CDK17: variants seen among roughly 807,000 people sequenced by gnomAD.
CDK17 encodes the protein cyclin dependent kinase 17.
In CDK17, 24 loss-of-function variants were observed where a neutral mutation model predicts 77.6. The observed-to-expected ratio is 0.31, with a 90% confidence interval of 0.22 to 0.44. CDK17 has a LOEUF of 0.44. Among genes scored for constraint, CDK17 ranks in the 20% least tolerant of loss-of-function variants. The pLI is 1.00. For missense variants in CDK17, 429 were observed against 622.5 expected (o/e 0.69, Z 3.31); for synonymous variants, 203 against 210.4 (o/e 0.96, Z 0.30).
chr12:96,285,809 C>A, intron 13 of CDK17: 1 of 248,964 alleles, frequency 4.0e-6, no homozygotes, highest in Non-Finnish European at 7.6e-6. Flanking sequence ...GGAATTTCAT[C>A]ATAATCTCTG....
At chr12:96,306,543 C>T (rs1952579954) in intron 5 of CDK17, among the ~76,000 whole-genome samples, 1 of 151,756 alleles carries the variant, frequency 6.6e-6, no homozygotes, top group Non-Finnish European at 1.5e-5. Context: ...GTATATTATC[C>T]ATGGAAAAAT....
chr12:96,319,176 C>A (rs914622853), intron 3 of CDK17, among the ~76,000 whole-genome samples: 3 of 151,536 alleles, frequency 2.0e-5, no homozygotes, highest in Non-Finnish European at 4.4e-5. Context: ...AACACCTGTA[C>A]GCAAATAAAC....
At chr12:96,373,514 G>T (rs888316330) in intron 1 of CDK17, among the ~76,000 whole-genome samples, 1 of 152,088 alleles carries the variant, frequency 6.6e-6, no homozygotes, top group African/African-American at 2.4e-5. Flanking sequence ...GAATCACTTT[G>T]AACCTGGGAG....
At chr12:96,384,750 C>T (rs1432931032) in intron 1 of CDK17, among the ~76,000 whole-genome samples, 1 of 152,124 alleles carries the variant, frequency 6.6e-6, no homozygotes, top group East Asian at 1.9e-4. Context: ...AGCAGGGTGG[C>T]TAATGCCTGT....
intron 9 of CDK17, among the ~76,000 whole-genome samples, chr12:96,296,082 T>G (rs557394051): frequency 6.6e-6 from 1 of 152,350 alleles, no homozygotes. Flanking sequence ...AAATTACTAT[T>G]TAAATGAATT....
At chr12:96,371,356 G>A (rs1953690298) in intron 1 of CDK17, among the ~76,000 whole-genome samples, 1 of 152,100 alleles carries the variant, frequency 6.6e-6, no homozygotes, top group South Asian at 2.1e-4. Flanking sequence ...ATCCCGTGAA[G>A]CCCAGCTAAT....
chr12:96,348,520 T>C (rs1490260616), intron 1 of CDK17, among the ~76,000 whole-genome samples: 31 of 90,626 alleles, frequency 3.4e-4, no homozygotes, highest in African/African-American at 1.2e-3. Context: ...CGAGACTCTG[T>C]CTCAAAAAAA....
intron 1 of CDK17, among the ~76,000 whole-genome samples, chr12:96,355,821 A>G (rs1049950200): frequency 6.6e-6 from 1 of 152,218 alleles, no homozygotes; most frequent in African/African-American, 2.4e-5. Context: ...CTGACACTCA[A>G]CAGGTGCTCA....
intron 10 of CDK17, among the ~76,000 whole-genome samples, chr12:96,293,515 G>A (rs1295975878): frequency 6.6e-6 from 1 of 152,204 alleles, no homozygotes; most frequent in Non-Finnish European, 1.5e-5. Flanking sequence ...TGAAAGAGGA[G>A]GGGCATTTTA....
chr12:96,356,953 T>C (rs543724019), intron 1 of CDK17, among the ~76,000 whole-genome samples: 1 of 152,220 alleles, frequency 6.6e-6, no homozygotes, highest in Non-Finnish European at 1.5e-5. Context: ...ATAAATTGAT[T>C]TGCAGATGAT....
intron 11 of CDK17, among the ~76,000 whole-genome samples, chr12:96,288,593 T>C (rs559246445): frequency 6.6e-6 from 1 of 152,344 alleles, no homozygotes; most frequent in African/African-American, 2.4e-5. Context: ...AGACATCTTA[T>C]GGAAATCCTT....
chr12:96,394,080 TAC>T (rs1592777665), intron 1 of CDK17, among the ~76,000 whole-genome samples: 1 of 151,820 alleles, frequency 6.6e-6, no homozygotes, highest in Non-Finnish European at 1.5e-5. Context: ...ACCCTATCTC[TAC>T]TAAAAATACA....
chr12:96,399,230 G>C (rs867309203), intron 1 of CDK17: 2 of 152,370 alleles, frequency 1.3e-5, no homozygotes, highest in Non-Finnish European at 2.9e-5. Flanking sequence ...ATCGGGCATA[G>C]CATCGGGCAC....
chr12:96,386,184 T>C (rs1953970979), intron 1 of CDK17, among the ~76,000 whole-genome samples: 1 of 152,184 alleles, frequency 6.6e-6, no homozygotes, highest in South Asian at 2.1e-4. Context: ...TTTAAAGAGA[T>C]GGCATTTTGC....
chr12:96,397,287 T>G (rs765947819), intron 1 of CDK17, among the ~76,000 whole-genome samples: 52 of 151,468 alleles, frequency 3.4e-4, no homozygotes, highest in Non-Finnish European at 6.5e-4. Context: ...AAAATTTAAA[T>G]TTTCTATTTT....
intron 1 of CDK17, among the ~76,000 whole-genome samples, chr12:96,335,560 T>C (rs1470337520): frequency 1.3e-5 from 2 of 152,178 alleles, no homozygotes; most frequent in Admixed American, 1.3e-4. Flanking sequence ...TTTTCACACA[T>C]GAGGAAACGT....
At chr12:96,344,614 G>A (rs1953172242) in intron 1 of CDK17, among the ~76,000 whole-genome samples, 1 of 152,064 alleles carries the variant, frequency 6.6e-6, no homozygotes, top group African/African-American at 2.4e-5. Flanking sequence ...TATCCTTTAA[G>A]AATGAAGGAG....
intron 1 of CDK17, among the ~76,000 whole-genome samples, chr12:96,356,670 C>T (rs895684058): frequency 6.6e-6 from 1 of 152,122 alleles, no homozygotes; most frequent in African/African-American, 2.4e-5. Flanking sequence ...GCCATTACCT[C>T]CTGAGTTCAG....
chr12:96,299,257 G>A (rs970305966), intron 6 of CDK17, among the ~76,000 whole-genome samples: 1 of 152,102 alleles, frequency 6.6e-6, no homozygotes, highest in African/African-American at 2.4e-5. Flanking sequence ...CCTTATTTTA[G>A]ATTAACAATT....
Sources: allele counts gnomAD v4.1 joint callset (sites outside exome capture counted in the v4.1 genomes callset), GRCh38; gene constraint gnomAD v4.1.1; transcripts MANE v1.5; gene names NCBI Gene and HGNC (gene_info 2026-07-23, HGNC 2026-07-21).